ZFP62: variants seen among roughly 807,000 people sequenced by gnomAD.
ZFP62 encodes zinc finger protein 62 homolog.
ZFP62 carries 44 observed loss-of-function variants against 56.4 expected under a neutral mutation model. The observed-to-expected ratio is 0.78, with a 90% CI of 0.61 to 1.00. The LOEUF (loss-of-function observed/expected upper bound fraction) is 1.00, where lower values mean the gene tolerates loss of function less well. ZFP62 is among the 50% of genes least tolerant of loss of function. The pLI, the probability that ZFP62 is intolerant of heterozygous loss-of-function variation, is 0.00. For synonymous variants in ZFP62, 421 were observed against 388.9 expected, an observed-to-expected ratio of 1.08 and a Z score of -0.97; for missense variants, 1,030 against 1,085.7, an observed-to-expected ratio of 0.95 and a Z score of 0.72.
chr5:180,831,656 G>A, the ZFP62 span: 3,394 of 152,568 alleles, frequency 0.022, 126 homozygotes, highest in African/African-American at 0.075. Context: ...CGCACACCCG[G>A]GTGGTTCTGG....
At chr5:180,857,425 GATA>G (rs1331426555) in intron 1 of ZFP62, among the ~76,000 whole-genome samples, 1 of 152,202 alleles carries the variant, frequency 6.6e-6, no homozygotes, top group African/African-American at 2.4e-5. Context: ...ACCTCTGTTA[GATA>G]ATATCAAGGA....
the ZFP62 span, among the ~76,000 whole-genome samples, chr5:180,836,723 G>A: frequency 6.6e-6 from 1 of 152,246 alleles, no homozygotes; most frequent in African/African-American, 2.4e-5. Context: ...TAAGGGCCAT[G>A]CTGCCTTGGA....
Position 180,858,896 on chromosome 5 carries a change from A to C in ZFP62, c.1+2323T>G, listed in dbSNP as rs139497105. ...AGCATGAGTCTAATAGCCTGGTTAC[A>C]TCAGCCAAAAGCGTCAGACATAGAA... On this transcript the variant is annotated intron_variant, in intron 1 of 1. Transcript: ENST00000502412. 8.6e-3 allele frequency among the ~76,000 whole-genome samples: 1,309 copies of C among 152,334 alleles called. 12 individuals carry two copies. Among genetic ancestry groups the C allele is most frequent in the Non-Finnish European group, 0.014 (929 of 68,022 alleles).
rs371401262 is a variant in ZFP62 at position 180,850,292 on chromosome 5, T to G, written c.1203A>C (p.Ala401=). The G allele has an allele frequency of 4.0e-4, 628 of 1,561,446 alleles. 1 individual carries two copies. The highest frequency in any genetic ancestry group is 5.2e-4 in the Non-Finnish European group (601 of 1,152,970). ...KPYKCDVCGK[A]FSYSSGLAVH... ...CTGCGAGGCCTGAGCTATAGCTGAA[T>G]GCTTTGCCACAGACATCACACTTGT... The change falls in exon 2 of 2, where the codon GCA becomes GCC. Residue 401 remains alanine (A), a synonymous_variant. Transcript: ENST00000502412.
downstream of ZFP62, among the ~76,000 whole-genome samples, chr5:180,843,105 AAAT>A (rs367578915): frequency 4.7e-3 from 711 of 150,904 alleles, 2 homozygotes; most frequent in Non-Finnish European, 8.1e-3. Flanking sequence ...TTGGTATAGA[AAAT>A]AATAACATAT....
At position 180,849,634 on chromosome 5, in the gene ZFP62, C is replaced by T. The variant is rs1200753949; in HGVS notation, c.1861G>A (p.Val621Met). ...HLGEKPYKCD[V>M]CEKSFNYTSL... ...GTGTAATTAAAAGATTTCTCACACA[C>T]ATCACATTTGTAGGGCTTCTCCCCA... Residue 621 changes from valine (V) to methionine (M), a missense_variant, in exon 2 of 2, where the codon GTG becomes ATG. Transcript: ENST00000502412. 9 of 1,551,808 alleles carry T rather than the reference C, an allele frequency of 5.8e-6. No homozygotes were observed. Among genetic ancestry groups the T allele is most frequent in the Admixed American group, 3.9e-5 (2 of 50,990 alleles).
At position 180,850,108 on chromosome 5, in the gene ZFP62, C is replaced by A. The variant is rs1036403390; in HGVS notation, c.1387G>T (p.Gly463Cys). ...TGGAGCCTCCTGTGGACTTTGAGGC[C>A]TGCATTGTTTCTGAACGTTTTCCCA... is the stretch of plus-strand genomic sequence containing the variant. ...VCGKTFRNNA[G>C]LKVHRRLHTG... Residue 463 changes from glycine (G) to cysteine (C), a missense_variant, in exon 2 of 2, where the codon GGC becomes TGC. Coordinates refer to ENST00000502412, the MANE Select transcript of ZFP62 (RefSeq NM_001172638.2). 1.3e-6 allele frequency: 2 copies of A among 1,551,470 alleles called. No individual in the cohort carries two copies. Among genetic ancestry groups the A allele is most frequent in the African/African-American group, 2.7e-5 (2 of 72,974 alleles).
chr5:180,851,196 T>C lies in ZFP62; in HGVS notation c.299A>G (p.His100Arg), dbSNP rs754220224. ...SEKSLHLSPQ[H>R]ITHQTMPIGQ... ...TATAGGCATAGTCTGGTGTGTGATA[T>C]GCTGTGGGCTCAGATGCAAGCTCTT... is the stretch of plus-strand genomic sequence containing the variant. Residue 100 changes from histidine (H) to arginine (R), a missense_variant, in exon 2 of 2, where the codon CAT (histidine) becomes CGT (arginine). By Grantham distance (29) the His-to-Arg change is conservative. Coordinates refer to ENST00000502412, the MANE Select transcript of ZFP62 (RefSeq NM_001172638.2). The C allele has an allele frequency of 2.6e-6, 4 of 1,551,758 alleles. No homozygotes were observed. The highest frequency in any genetic ancestry group is 2.4e-5 in the East Asian group (1 of 40,930).
chr5:180,852,484 G>A (rs1251126182), intron 1 of ZFP62, among the ~76,000 whole-genome samples: 4 of 151,442 alleles, frequency 2.6e-5, no homozygotes, highest in Admixed American at 1.3e-4. Context: ...AACCTGGGAG[G>A]CAGAGGTTGC....
intron 1 of ZFP62, among the ~76,000 whole-genome samples, chr5:180,860,239 G>T (rs1774229138): frequency 1.3e-5 from 2 of 152,232 alleles, no homozygotes; most frequent in Admixed American, 1.3e-4. Context: ...GGTTACCTAA[G>T]AGGGTAGGGC....
At position 180,849,729 on chromosome 5, in the gene ZFP62, A is replaced by C; in HGVS notation, c.1766T>G (p.Phe589Cys). The C allele has an allele frequency of 6.4e-7, 1 of 1,551,290 alleles. No individual in the cohort carries two copies. The highest frequency in any genetic ancestry group is 8.7e-7 in the Non-Finnish European group (1 of 1,146,956). ...GGCCTTCTCACACTCGTCACACTTA[A>C]AGGGCTTCTCCCCAGGGTGTACACT... ...HKSVHPGEKPFKCDECEKAFI... is the reference protein window; with the variant it reads ...HKSVHPGEKPCKCDECEKAFI... Residue 589 changes from phenylalanine to cysteine, a missense_variant, in exon 2 of 2, where the codon TTT becomes TGT. Coordinates refer to ENST00000502412, the MANE Select transcript of ZFP62 (RefSeq NM_001172638.2).
the ZFP62 span, among the ~76,000 whole-genome samples, chr5:180,841,378 T>C: frequency 6.6e-6 from 1 of 152,158 alleles, no homozygotes; most frequent in Non-Finnish European, 1.5e-5. Flanking sequence ...GAGGATTTTT[T>C]CTTTCCCAGT....
In ZFP62 at chr5:180,848,751, T is replaced by G. The variant is rs537351323; in HGVS notation, c.*41A>C. 4 of 1,468,636 alleles carry G rather than the reference T, an allele frequency of 2.7e-6. No individual in the cohort carries two copies. The African/African-American group carries it at 5.7e-5, about 21-fold the overall frequency. 91.0% of individuals were successfully genotyped at this position (1,468,636 alleles called of 1,614,324 possible). A position where few individuals can be genotyped will look rare whatever the true frequency, so the allele number is the denominator to read the frequency against. ...TACATTCTTACATTCATAAGGTATT[T>G]CTTCCATTTGAGTTCGGAGAGACTT... is the stretch of plus-strand genomic sequence containing the variant. On this transcript the variant is annotated 3_prime_UTR_variant, in exon 2 of 2. Coordinates refer to ENST00000502412, the MANE Select transcript of ZFP62 (RefSeq NM_001172638.2).
In ZFP62 at chr5:180,847,686, G is replaced by A. The variant is rs545022529; in HGVS notation, c.*1106C>T. The A allele has an allele frequency of 3.6e-5, 35 of 985,448 alleles. No homozygotes were observed. The East Asian group carries it at 3.3e-3, about 93-fold the overall frequency. The allele number at this position is 985,448 out of a possible 1,614,324, so 61.0% of individuals were successfully genotyped here. ...GGAGCTGGCTTTCATGACAAAGAGAGAGTGAGCCCTGAACAAAGTATTCGT... is the reference window on the plus strand; with the variant it reads ...GGAGCTGGCTTTCATGACAAAGAGAAAGTGAGCCCTGAACAAAGTATTCGT... On this transcript the variant is annotated 3_prime_UTR_variant, in exon 2 of 2. Transcript: ENST00000502412.
At chr5:180,831,510 G>A in the ZFP62 span, 4 of 152,406 alleles carry the variant, frequency 2.6e-5, no homozygotes, top group South Asian at 8.3e-4. Context: ...CTCCCGGGTT[G>A]AAGGGACTCT....
chr5:180,831,834 TG>T, the ZFP62 span: 1 of 152,614 alleles, frequency 6.6e-6, no homozygotes, highest in Admixed American at 6.5e-5. Flanking sequence ...AGACTCCACC[TG>T]GAACTTTCTT....
intron 1 of ZFP62, among the ~76,000 whole-genome samples, chr5:180,858,257 C>CAAAAAAAAAAAAAAAAA (rs1159409435): frequency 5.0e-5 from 2 of 40,268 alleles, no homozygotes; most frequent in Non-Finnish European, 4.6e-5. Flanking sequence ...AACTCTGTCT[C>CAAAAAAAAAAAAAAAAA]AAAAAAAAAA....
chr5:180,838,206 T>C, the ZFP62 span, among the ~76,000 whole-genome samples: 1 of 152,078 alleles, frequency 6.6e-6, no homozygotes, highest in African/African-American at 2.4e-5. Flanking sequence ...AGCTAGGTGT[T>C]GGAGCCCAAG....
rs905430611 is a variant in ZFP62 at position 180,851,140 on chromosome 5, C to T, written c.355G>A (p.Val119Met). The T allele has an allele frequency of 3.2e-6, 5 of 1,551,752 alleles. No individual in the cohort carries two copies. Among genetic ancestry groups the T allele is most frequent in the Non-Finnish European group, 4.4e-6 (5 of 1,147,004 alleles). Reference sequence around the variant, plus strand: ...TAGGAGGTTCCATTAATGTTCTCCACACGTTTGCCTTGCTCACTGCCTCTC... The same window carrying T: ...TAGGAGGTTCCATTAATGTTCTCCATACGTTTGCCTTGCTCACTGCCTCTC... ...GQRGSEQGKR[V>M]ENINGTSYPS... Residue 119 changes from valine (V) to methionine (M), a missense_variant, in exon 2 of 2, where the codon GTG becomes ATG. Coordinates refer to ENST00000502412, the MANE Select transcript of ZFP62 (RefSeq NM_001172638.2).
Sources: gnomAD v4.1 joint callset for allele counts (sites outside exome capture counted in the v4.1 genomes callset) on GRCh38, gnomAD v4.1.1 for gene constraint, MANE v1.5 for transcripts, NCBI Gene and HGNC (gene_info 2026-07-23, HGNC 2026-07-21) for gene names.